The following PPFIBP2 variants were observed in gnomAD, a reference collection of about 807,000 sequenced individuals.
The protein encoded by PPFIBP2 is liprin-beta-2.
PPFIBP2 carries 118 observed loss-of-function variants against 118.3 expected under a neutral mutation model. The observed-to-expected ratio is 1.00, with a 90% confidence interval of 0.86 to 1.16. The LOEUF (loss-of-function observed/expected upper bound fraction) is 1.16, where lower values mean the gene tolerates loss of function less well. PPFIBP2 is among the 50% of genes most tolerant of loss of function. The pLI is 0.00. For missense variants in PPFIBP2, 1,195 were observed against 1,073.1 expected, an observed-to-expected ratio of 1.11 and a Z score of -1.59; for synonymous variants, 414 against 397.4, an observed-to-expected ratio of 1.04 and a Z score of -0.50.
At chr11:7,538,487 T>A (rs1056368977) in intron 1 of PPFIBP2, 3 of 152,690 alleles carry the variant, frequency 2.0e-5, no homozygotes, top group African/African-American at 7.2e-5. Context: ...CTTAAAGGGC[T>A]GTGGTTTGGT....
intron 3 of PPFIBP2, among the ~76,000 whole-genome samples, chr11:7,579,909 T>C (rs538810337): frequency 6.6e-6 from 1 of 152,010 alleles, no homozygotes; most frequent in East Asian, 1.9e-4. Flanking sequence ...TTTTCACTAT[T>C]CTCTACCCTA....
downstream of PPFIBP2, chr11:7,656,676 A>G: frequency 1.6e-6 from 2 of 1,266,660 alleles, no homozygotes; most frequent in Non-Finnish European, 2.1e-6. Flanking sequence ...GCCGCAGGGC[A>G]GCCTGGACCA....
At chr11:7,553,083 G>A (rs1298156012) in intron 2 of PPFIBP2, among the ~76,000 whole-genome samples, 1 of 151,740 alleles carries the variant, frequency 6.6e-6, no homozygotes, top group Non-Finnish European at 1.5e-5. Flanking sequence ...ATTTGCTTTT[G>A]TGACTAGGAT....
chr11:7,590,980 C>G (rs1330642277), intron 3 of PPFIBP2, among the ~76,000 whole-genome samples: 1 of 152,122 alleles, frequency 6.6e-6, no homozygotes, highest in East Asian at 1.9e-4. Flanking sequence ...ATCCTGTTAA[C>G]TGATTGTGCC....
At chr11:7,623,917 T>C (rs1176204798) in intron 7 of PPFIBP2, among the ~76,000 whole-genome samples, 1 of 152,194 alleles carries the variant, frequency 6.6e-6, no homozygotes, top group Non-Finnish European at 1.5e-5. Context: ...CTGAGTGAGC[T>C]CTGATAAACT....
chr11:7,525,342 A>G (rs1387367386), intron 1 of PPFIBP2, among the ~76,000 whole-genome samples: 4 of 152,348 alleles, frequency 2.6e-5, no homozygotes, highest in South Asian at 4.1e-4. Context: ...ATGAGATGAA[A>G]TGTTGACTCC....
At chr11:7,651,096 G>C (rs1853931114) in intron 22 of PPFIBP2, 131 bp downstream of exon 22, 1 of 968,128 alleles carries the variant, frequency 1.0e-6, no homozygotes, top group Admixed American at 2.6e-5. Context: ...TGCATAATTT[G>C]ATGTCTCAAA....
chr11:7,621,887 T>C (rs1849400930), intron 7 of PPFIBP2, among the ~76,000 whole-genome samples: 1 of 152,196 alleles, frequency 6.6e-6, no homozygotes, highest in African/African-American at 2.4e-5. Context: ...TAGTTGCTAA[T>C]TATTATAAAA....
At chr11:7,617,881 T>C (rs1257828532) in intron 6 of PPFIBP2, among the ~76,000 whole-genome samples, 1 of 151,780 alleles carries the variant, frequency 6.6e-6, no homozygotes, top group Non-Finnish European at 1.5e-5. Flanking sequence ...CATGTGGGGC[T>C]CTATCTGACT....
At chr11:7,650,800 A>G (rs373834564) in intron 21 of PPFIBP2, 40 bp from the exon 22 acceptor site, 11 of 1,607,094 alleles carry the variant, frequency 6.8e-6, no homozygotes, top group South Asian at 4.4e-5. Flanking sequence ...GGTGGGACCT[A>G]TTAAGCCTAA....
Position 7,550,718 on chromosome 11 carries a change from G to A in PPFIBP2, c.64+1179G>A, listed in dbSNP as rs187392395. On this transcript the variant is annotated intron_variant, in intron 2 of 23. Coordinates refer to ENST00000299492, the MANE Select transcript of PPFIBP2 (RefSeq NM_003621.5). The stretch of plus-strand genomic sequence containing the variant: ...ATTGATCCCGGGTGTGTCTGTGAGA[G>A]TGTTGCCAAAGGAGATTAACATTTG... Among the ~76,000 whole-genome samples, 249 of 152,340 alleles carry A rather than the reference G, an allele frequency of 1.6e-3. 1 individual carries two copies. Among genetic ancestry groups the A allele is most frequent in the Admixed American group, 3.5e-3 (54 of 15,302 alleles).
At chr11:7,560,278 C>A (rs1055199882) in intron 2 of PPFIBP2, among the ~76,000 whole-genome samples, 1 of 152,170 alleles carries the variant, frequency 6.6e-6, no homozygotes, top group Admixed American at 6.5e-5. Flanking sequence ...ACAAGAGAAC[C>A]TAGAGTCCCT....
intron 4 of PPFIBP2, among the ~76,000 whole-genome samples, chr11:7,595,764 G>A (rs1860168561): frequency 6.6e-6 from 1 of 152,036 alleles, no homozygotes; most frequent in Non-Finnish European, 1.5e-5. Flanking sequence ...AGTTTTCCTG[G>A]TTCTACTCAT....
chr11:7,518,206 C>T (rs898223302), intron 1 of PPFIBP2, among the ~76,000 whole-genome samples: 7 of 152,310 alleles, frequency 4.6e-5, no homozygotes, highest in East Asian at 1.9e-4. Context: ...TGAGGGCCGT[C>T]GTCAAGCTTC....
chr11:7,597,595 A>G lies in PPFIBP2; in HGVS notation c.408A>G (p.Gly136=). ...SVLTDQVEAQ[G]EKIRDLEVCL... ...TCACAGACCAAGTAGAAGCCCAGGGAGAAAAGATTCGAGACCTGGAAGTGT... is the reference window on the plus strand; with the variant it reads ...TCACAGACCAAGTAGAAGCCCAGGGGGAAAAGATTCGAGACCTGGAAGTGT... Residue 136 remains glycine, a synonymous_variant, in exon 5 of 24, where the codon GGA becomes GGG. Transcript: ENST00000299492. 1 of 1,614,058 alleles carries G rather than the reference A, an allele frequency of 6.2e-7. No individual in the cohort carries two copies. The highest frequency in any genetic ancestry group is 8.5e-7 in the Non-Finnish European group (1 of 1,180,006).
chr11:7,638,019 G>A (rs530070362), intron 14 of PPFIBP2, among the ~76,000 whole-genome samples: 37 of 152,158 alleles, frequency 2.4e-4, no homozygotes, highest in Admixed American at 1.2e-3. Context: ...TCCATATGTC[G>A]TATATAATAG....
the PPFIBP2 span, chr11:7,666,861 AGCCCTGCCT>A: frequency 1.9e-5 from 5 of 261,544 alleles, no homozygotes; most frequent in South Asian, 4.9e-5. Flanking sequence ...TCGGAGCTCC[AGCCCTGCCT>A]CCTACATCTA....
intron 5 of PPFIBP2, 59 bp downstream of exon 5, chr11:7,597,732 C>CT: frequency 7.5e-7 from 1 of 1,340,724 alleles, no homozygotes; most frequent in Non-Finnish European, 1.1e-6. Context: ...GCTGAAGCCC[C>CT]TTTGTGTGCC....
chr11:7,597,707 C>T lies in PPFIBP2; in HGVS notation c.486+34C>T, dbSNP rs189522498. On this transcript the variant is annotated intron_variant, in intron 5 of 23. Coordinates refer to ENST00000299492, the MANE Select transcript of PPFIBP2 (RefSeq NM_003621.5). ...GGGTGCACTGAAGGCCCTTGGGTGC[C>T]GAAGCAGCTCATGTGCTGAAGCCCC... is the stretch of plus-strand genomic sequence containing the variant. The T allele has an allele frequency of 7.1e-3, 10,964 of 1,538,578 alleles. 63 individuals carry two copies. Among genetic ancestry groups the T allele is most frequent in the Non-Finnish European group, 8.5e-3 (9,473 of 1,114,734 alleles).
Sources: gnomAD v4.1 joint callset for allele counts (sites outside exome capture counted in the v4.1 genomes callset) on GRCh38, gnomAD v4.1.1 for gene constraint, MANE v1.5 for transcripts, NCBI Gene and HGNC (gene_info 2026-07-23, HGNC 2026-07-21) for gene names.